AP3B1: variants seen among roughly 807,000 people sequenced by gnomAD.
AP3B1 encodes adaptor related protein complex 3 subunit beta 1.
In AP3B1, 61 loss-of-function variants were observed where a neutral mutation model predicts 132.5. That is an observed-to-expected ratio of 0.46 (90% CI 0.37 to 0.57). The LOEUF (loss-of-function observed/expected upper bound fraction) is 0.57, where lower values mean the gene tolerates loss of function less well. Among genes scored for constraint, AP3B1 ranks in the 20% least tolerant of loss-of-function variants. The probability of loss-of-function intolerance (pLI) is 0.00; values close to 1 mark genes in which losing one functional copy is unlikely to be tolerated. For missense variants in AP3B1, 1,120 were observed against 1,289.4 expected (o/e 0.87, Z 2.01); for synonymous variants, 388 against 438.3 (o/e 0.89, Z 1.43).
intron 7 of AP3B1, among the ~76,000 whole-genome samples, chr5:78,195,523 A>C (rs1400828366): frequency 6.6e-6 from 1 of 152,194 alleles, no homozygotes; most frequent in East Asian, 1.9e-4. Flanking sequence ...ATGCTGGAAC[A>C]AACGAAGAGT....
At chr5:78,248,492 CAAAAAAAAAAAA>C (rs34983157) in intron 2 of AP3B1, among the ~76,000 whole-genome samples, 38 of 71,374 alleles carry the variant, frequency 5.3e-4, no homozygotes, top group African/African-American at 2.1e-3. Context: ...GACTCTGTCT[CAAAAAAAAAAAA>C]AAAAAAAAAA....
At chr5:78,029,847 T>C (rs572310813) in intron 24 of AP3B1, among the ~76,000 whole-genome samples, 1 of 152,264 alleles carries the variant, frequency 6.6e-6, no homozygotes, top group South Asian at 2.1e-4. Context: ...TTTAGCTGTT[T>C]AGAAGTTATA....
rs1561346605 is a variant in AP3B1, at chr5:78,002,949, C to T, written c.3238G>A (p.Gly1080Ser). 1 of 1,614,136 alleles carries T rather than the reference C, an allele frequency of 6.2e-7. No homozygotes were observed. The change falls in exon 27 of 27, where the codon GGC (glycine) becomes AGC (serine). Residue 1080 changes from glycine (G) to serine (S), a missense_variant. Gly to Ser is a moderately conservative substitution (Grantham distance 56). Coordinates refer to ENST00000255194, the MANE Select transcript of AP3B1 (RefSeq NM_003664.5). Reference sequence around the variant, plus strand: ...TTCAGTTCCCGCAGCAGAACAGAGCCAATCACAGTTTTCTCAGTGTTTATG... The same window carrying T: ...TTCAGTTCCCGCAGCAGAACAGAGCTAATCACAGTTTTCTCAGTGTTTATG... ...LIINTEKTVI[G>S]SVLLRELKPV...
intron 21 of AP3B1, among the ~76,000 whole-genome samples, chr5:78,098,792 G>A (rs891128780): frequency 6.6e-6 from 1 of 152,166 alleles, no homozygotes; most frequent in Non-Finnish European, 1.5e-5. Context: ...ATAGCAGTGA[G>A]CAACACAGAG....
intron 21 of AP3B1, among the ~76,000 whole-genome samples, chr5:78,100,125 C>G (rs1197363167): frequency 6.6e-6 from 1 of 151,946 alleles, no homozygotes; most frequent in East Asian, 1.9e-4. Context: ...TTATTTCTCT[C>G]TATTATATAT....
intron 2 of AP3B1, among the ~76,000 whole-genome samples, chr5:78,244,450 T>A (rs1747286663): frequency 6.6e-6 from 1 of 151,832 alleles, no homozygotes; most frequent in East Asian, 1.9e-4. Context: ...TACAAATGAC[T>A]AACTGGAGAA....
intron 7 of AP3B1, among the ~76,000 whole-genome samples, chr5:78,187,744 A>G (rs1400786385): frequency 6.6e-6 from 1 of 152,212 alleles, no homozygotes; most frequent in African/African-American, 2.4e-5. Flanking sequence ...TTTAAAATTC[A>G]TATGAAACCA....
At chr5:78,240,820 GAA>G (rs1332249632) in intron 3 of AP3B1, 40 bp downstream of exon 3, 2 of 1,395,754 alleles carry the variant, frequency 1.4e-6, no homozygotes, top group Middle Eastern at 1.8e-4. Flanking sequence ...ACGGTCCCAT[GAA>G]AACAAAAGGA....
At chr5:78,187,898 G>A (rs1172751314) in intron 7 of AP3B1, among the ~76,000 whole-genome samples, 1 of 152,064 alleles carries the variant, frequency 6.6e-6, no homozygotes, top group Non-Finnish European at 1.5e-5. Context: ...TAGACCAATG[G>A]AACAGAATAA....
At chr5:78,294,393 ACTCCTC>A in intron 1 of AP3B1, 53 bp downstream of exon 1, 1 of 1,610,836 alleles carries the variant, frequency 6.2e-7, no homozygotes, top group Non-Finnish European at 8.5e-7. Flanking sequence ...CCTGGCGCCC[ACTCCTC>A]CGAGTCCGCA....
At chr5:78,183,465 A>G (rs923018109) in intron 7 of AP3B1, among the ~76,000 whole-genome samples, 3 of 152,232 alleles carry the variant, frequency 2.0e-5, no homozygotes, top group Non-Finnish European at 2.9e-5. Context: ...CCAAGATAAT[A>G]GAGATATTGG....
intron 26 of AP3B1, among the ~76,000 whole-genome samples, chr5:78,006,535 C>T (rs1746403447): frequency 6.6e-6 from 1 of 151,990 alleles, no homozygotes; most frequent in South Asian, 2.1e-4. Flanking sequence ...TTTAAATATC[C>T]CCTACTCTCC....
At chr5:78,197,384 G>A (rs1745118234) in intron 7 of AP3B1, among the ~76,000 whole-genome samples, 1 of 151,912 alleles carries the variant, frequency 6.6e-6, no homozygotes, top group Admixed American at 6.6e-5. Flanking sequence ...GCTTTATGAA[G>A]GCAAAAAATA....
intron 15 of AP3B1, among the ~76,000 whole-genome samples, chr5:78,133,626 T>C (rs968027251): frequency 1.3e-5 from 2 of 152,178 alleles, no homozygotes; most frequent in Non-Finnish European, 1.5e-5. Flanking sequence ...CATTTTAATA[T>C]CACCAGAGGC....
At chr5:78,080,623 ATTT>A (rs66609184) in intron 22 of AP3B1, among the ~76,000 whole-genome samples, 4 of 103,546 alleles carry the variant, frequency 3.9e-5, no homozygotes, top group African/African-American at 1.1e-4. Flanking sequence ...TATGCCTCCA[ATTT>A]TTTTTTTTTT....
rs906747468 is a variant in AP3B1, at chr5:78,109,322, T to A, written c.2397+885A>T. Among the ~76,000 whole-genome samples, 5 of 152,220 alleles carry A rather than the reference T, an allele frequency of 3.3e-5. No homozygotes were observed. In the East Asian group the frequency reaches 9.6e-4, roughly 29 times the overall value. ...TAAATCTCTGGATGGGGGAGGGCAA[T>A]TGTCTACTTCAATAAATTAATTTTC... On this transcript the variant is annotated intron_variant, in intron 20 of 26. Transcript: ENST00000255194.
intron 14 of AP3B1, among the ~76,000 whole-genome samples, chr5:78,145,904 T>C (rs1174706770): frequency 6.6e-6 from 1 of 152,222 alleles, no homozygotes; most frequent in Non-Finnish European, 1.5e-5. Context: ...CCCAGGATTC[T>C]GCCCTAATAA....
intron 21 of AP3B1, among the ~76,000 whole-genome samples, chr5:78,099,208 T>C (rs1751026727): frequency 6.6e-6 from 1 of 152,200 alleles, no homozygotes. Flanking sequence ...CCTCCAGAAC[T>C]ACGAACAACT....
chr5:78,272,543 T>C (rs1318911717), intron 1 of AP3B1, among the ~76,000 whole-genome samples: 1 of 152,106 alleles, frequency 6.6e-6, no homozygotes, highest in Non-Finnish European at 1.5e-5. Flanking sequence ...ACAAAAGTGA[T>C]AGGAAAAACC....
Sources: gnomAD v4.1 joint callset for allele counts (sites outside exome capture counted in the v4.1 genomes callset) on GRCh38, gnomAD v4.1.1 for gene constraint, MANE v1.5 for transcripts, NCBI Gene and HGNC (gene_info 2026-07-23, HGNC 2026-07-21) for gene names.